Variants in RMC1 observed in about 807,000 individuals in gnomAD.
RMC1 encodes the protein regulator of MON1-CCZ1, also known as regulator of MON1-CCZ1 complex.
A neutral mutation model predicts 95.5 loss-of-function variants in RMC1; 44 were observed. The ratio of observed to expected loss-of-function variants is 0.46; its 90% CI spans 0.36 to 0.59. The LOEUF (loss-of-function observed/expected upper bound fraction) is 0.59, where lower values mean the gene tolerates loss of function less well. Among genes scored for constraint, RMC1 ranks in the 20% least tolerant of loss-of-function variants. The pLI is 0.00. For synonymous variants in RMC1, 320 were observed against 303.6 expected (o/e 1.05, Z -0.56); for missense variants, 705 against 819.6 (o/e 0.86, Z 1.71).
At chr18:23,508,174 CTG>C in intron 4 of RMC1, 133 bp downstream of exon 4, 1 of 736,872 alleles carries the variant, frequency 1.4e-6, no homozygotes, top group Admixed American at 3.6e-5. Flanking sequence ...GATTCCCAAA[CTG>C]GAGTCAGGCG....
intron 7 of RMC1, among the ~76,000 whole-genome samples, chr18:23,517,081 AGATT>A (rs1350332543): frequency 1.3e-5 from 2 of 152,148 alleles, no homozygotes; most frequent in East Asian, 3.8e-4. Context: ...ATAAGAAAAT[AGATT>A]AAGATTTTAT....
Position 23,530,081 on chromosome 18 carries a change from T to C in RMC1, c.1548T>C (p.Tyr516=). The change falls in exon 17 of 20, where the codon TAT becomes TAC. Residue 516 remains tyrosine (Y), a synonymous_variant. Transcript: ENST00000269221. ...IKTLVQHNLF[Y]MLHQFLQYHV... is the part of the protein sequence containing the mutation. The stretch of plus-strand genomic sequence containing the variant: ...CCCTTGTCCAGCACAACCTCTTTTA[T>C]ATGCTGCATCAGTTCCTGCAGTACC... 6.2e-7 allele frequency: 1 copy of C among 1,614,258 alleles called. No individual in the cohort carries two copies. Among genetic ancestry groups the C allele is most frequent in the Non-Finnish European group, 8.5e-7 (1 of 1,180,054 alleles).
intron 10 of RMC1, among the ~76,000 whole-genome samples, chr18:23,523,838 A>G (rs1432487685): frequency 6.6e-6 from 1 of 152,200 alleles, no homozygotes; most frequent in Non-Finnish European, 1.5e-5. Context: ...CTTAACGTGC[A>G]TATGTAAACG....
At chr18:23,524,535 G>C in intron 12 of RMC1, 53 bp downstream of exon 12, 2 of 1,579,512 alleles carry the variant, frequency 1.3e-6, no homozygotes, top group Non-Finnish European at 1.7e-6. Flanking sequence ...GTTGACTTTG[G>C]ATCCCAGTTG....
At chr18:23,510,469 G>A (rs960096179) in intron 5 of RMC1, among the ~76,000 whole-genome samples, 6 of 152,014 alleles carry the variant, frequency 3.9e-5, no homozygotes, top group African/African-American at 7.3e-5. Flanking sequence ...CCAACATGAC[G>A]AAACCCTGTC....
At chr18:23,531,584 C>T (rs1361373693) in intron 19 of RMC1, 41 bp from the exon 20 acceptor site, 8 of 1,599,422 alleles carry the variant, frequency 5.0e-6, no homozygotes, top group Non-Finnish European at 8.5e-7. Context: ...TCCCTCATTT[C>T]ATGCCACATC....
intron 2 of RMC1, among the ~76,000 whole-genome samples, chr18:23,505,406 TG>T (rs969492823): frequency 2.6e-5 from 4 of 152,168 alleles, no homozygotes; most frequent in African/African-American, 4.8e-5. Context: ...CATGGTGTTT[TG>T]GGGAACTCTG....
At chr18:23,517,287 C>G (rs1210506131) in intron 7 of RMC1, among the ~76,000 whole-genome samples, 1 of 151,546 alleles carries the variant, frequency 6.6e-6, no homozygotes, top group Non-Finnish European at 1.5e-5. Flanking sequence ...GTAGCTGGGA[C>G]TACAGGTGCG....
intron 5 of RMC1, among the ~76,000 whole-genome samples, chr18:23,510,770 A>G (rs1293119499): frequency 6.6e-6 from 1 of 152,258 alleles, no homozygotes; most frequent in Non-Finnish European, 1.5e-5. Flanking sequence ...CAAAACCACA[A>G]TGAGAAACTA....
At chr18:23,528,044 G>A in intron 14 of RMC1, 143 bp downstream of exon 14, 1 of 671,818 alleles carries the variant, frequency 1.5e-6, no homozygotes, top group Non-Finnish European at 2.4e-6. Flanking sequence ...CAAGGTGGCA[G>A]TAGTGGGGGA....
At chr18:23,523,147 G>T (rs1243846386) in intron 10 of RMC1, among the ~76,000 whole-genome samples, 3 of 152,216 alleles carry the variant, frequency 2.0e-5, no homozygotes, top group African/African-American at 7.2e-5. Context: ...GCCAAAGCTT[G>T]TCTGCCTGGG....
At chr18:23,508,169 C>CAGTTTGGGAAT in intron 4 of RMC1, 128 bp downstream of exon 4, 1 of 776,372 alleles carries the variant, frequency 1.3e-6, no homozygotes, top group South Asian at 2.8e-5. Context: ...ATGTTGATTC[C>CAGTTTGGGAAT]CAAACTGGAG....
chr18:23,529,813 C>T, intron 16 of RMC1, 101 bp downstream of exon 16: 2 of 1,229,380 alleles, frequency 1.6e-6, no homozygotes, highest in Non-Finnish European at 2.4e-6. Context: ...GACAGGTCTG[C>T]CTCCCTGACT....
intron 2 of RMC1, among the ~76,000 whole-genome samples, chr18:23,505,925 G>C (rs1338684905): frequency 6.6e-6 from 1 of 152,146 alleles, no homozygotes; most frequent in Non-Finnish European, 1.5e-5. Context: ...CCAGCACTTT[G>C]GGAGGCCGAG....
At chr18:23,505,354 A>G (rs1455931061) in intron 2 of RMC1, among the ~76,000 whole-genome samples, 1 of 151,990 alleles carries the variant, frequency 6.6e-6, no homozygotes, top group Admixed American at 6.6e-5. Flanking sequence ...GAGCCGCTGC[A>G]CCCGGCCTGA....
At chr18:23,522,012 T>C (rs1187454914) in intron 10 of RMC1, among the ~76,000 whole-genome samples, 1 of 152,234 alleles carries the variant, frequency 6.6e-6, no homozygotes, top group African/African-American at 2.4e-5. Context: ...TCCGATGGCA[T>C]TGGGCGGGTT....
At chr18:23,508,519 G>T (rs912377087) in intron 4 of RMC1, 3 of 152,534 alleles carry the variant, frequency 2.0e-5, no homozygotes, top group African/African-American at 7.2e-5. Context: ...AATGAGATTT[G>T]CTGGGTGTAG....
rs1193566837 is a variant in RMC1 at position 23,516,303 on chromosome 18, A to G, written c.550-17A>G. The G allele has an allele frequency of 6.2e-7, 1 of 1,613,290 alleles. No individual in the cohort carries two copies. The highest frequency in any genetic ancestry group is 1.7e-5 in the Admixed American group (1 of 60,010). On this transcript the variant is annotated splice_polypyrimidine_tract_variant and intron_variant, in intron 6 of 19. Coordinates refer to ENST00000269221, the MANE Select transcript of RMC1 (RefSeq NM_013326.5). ...GGGTTTAATAAGCTTTTCCTAAAACATTTTCCCCCTAAACAGGCTGGCACT... is the reference window on the plus strand; with the variant it reads ...GGGTTTAATAAGCTTTTCCTAAAACGTTTTCCCCCTAAACAGGCTGGCACT...
At chr18:23,518,748 G>C (rs936551658) in intron 7 of RMC1, 142 bp from the exon 8 acceptor site, 3 of 660,354 alleles carry the variant, frequency 4.5e-6, no homozygotes, top group Middle Eastern at 3.4e-4. Flanking sequence ...TTGAGTAACT[G>C]CATGTTTCTT....
Sources: gnomAD v4.1 joint callset for allele counts (sites outside exome capture counted in the v4.1 genomes callset) on GRCh38, gnomAD v4.1.1 for gene constraint, MANE v1.5 for transcripts, NCBI Gene and HGNC (gene_info 2026-07-23, HGNC 2026-07-21) for gene names.